TBC1D32: variants seen among roughly 807,000 people sequenced by gnomAD.
The protein encoded by TBC1D32 is protein broad-minded.
In TBC1D32, 151 loss-of-function variants were observed where a neutral mutation model predicts 170.3. The observed-to-expected ratio is 0.89, with a 90% CI of 0.78 to 1.01. The LOEUF (loss-of-function observed/expected upper bound fraction) is 1.01, where lower values mean the gene tolerates loss of function less well. TBC1D32 is among the 50% of genes least tolerant of loss of function. TBC1D32 has a pLI of 0.00. For missense variants in TBC1D32, 1,464 were observed against 1,457.1 expected (o/e 1.00, Z -0.08); for synonymous variants, 498 against 488.0 (o/e 1.02, Z -0.27).
At chr6:121,136,521 C>T (rs753447688) in intron 24 of TBC1D32, among the ~76,000 whole-genome samples, 11 of 151,946 alleles carry the variant, frequency 7.2e-5, no homozygotes, top group Non-Finnish European at 1.5e-4. Context: ...GCTAAAAATC[C>T]CACAATGCAC....
rs117811692 is a variant in TBC1D32 at position 121,219,116 on chromosome 6, T to C, written c.2481+4120A>G. ...TTTAAGTTAGGTAGTTGGGCAAAGATGCCAGATTATGGTGGCTTCCATGGT... is the reference window on the plus strand; with the variant it reads ...TTTAAGTTAGGTAGTTGGGCAAAGACGCCAGATTATGGTGGCTTCCATGGT... On this transcript the variant is annotated intron_variant, in intron 21 of 31. Coordinates refer to ENST00000398212, the MANE Select transcript of TBC1D32 (RefSeq NM_152730.6). 1.4e-4 allele frequency among the ~76,000 whole-genome samples: 21 copies of C among 152,304 alleles called. No homozygotes were observed. In the East Asian group the frequency reaches 3.1e-3, roughly 22 times the overall value.
intron 22 of TBC1D32, chr6:121,170,384 G>T: frequency 6.3e-7 from 1 of 1,587,584 alleles, no homozygotes; most frequent in South Asian, 1.2e-5. Flanking sequence ...CTGTTACTCT[G>T]TTTTAATCAC....
chr6:121,274,444 A>T (rs1481748557), intron 15 of TBC1D32, among the ~76,000 whole-genome samples: 1 of 152,034 alleles, frequency 6.6e-6, no homozygotes, highest in Non-Finnish European at 1.5e-5. Context: ...ATTCCCAGAA[A>T]AAAAGATTTT....
At chr6:121,189,858 C>G (rs1022522226) in intron 22 of TBC1D32, among the ~76,000 whole-genome samples, 1 of 151,990 alleles carries the variant, frequency 6.6e-6, no homozygotes, top group Non-Finnish European at 1.5e-5. Flanking sequence ...AACATATACC[C>G]TAAGTAAGAC....
chr6:121,281,673 A>C lies in TBC1D32; in HGVS notation c.1479T>G (p.Pro493=). 1.3e-6 allele frequency: 2 copies of C among 1,593,832 alleles called. No individual in the cohort carries two copies. Among genetic ancestry groups the C allele is most frequent in the South Asian group, 2.3e-5 (2 of 87,168 alleles). ...ACAGAACTTCAGTCACCATACTTGC[A>C]GGAGAGTAATTCTCTAATAAACAAT... ...TSAAHSENYS[P]ASMVTEVLWI... The change falls in exon 14 of 32, where the codon CCT becomes CCG. Residue 493 remains proline, a synonymous_variant. Transcript: ENST00000398212.
At chr6:121,274,890 T>C (rs931844524) in intron 15 of TBC1D32, among the ~76,000 whole-genome samples, 3 of 152,068 alleles carry the variant, frequency 2.0e-5, no homozygotes, top group Non-Finnish European at 4.4e-5. Flanking sequence ...TGAGAGAGGA[T>C]TTAGTCAATT....
chr6:121,321,706 G>T lies in TBC1D32; in HGVS notation c.244C>A (p.Arg82=), dbSNP rs777414033. 1 of 1,613,924 alleles carries T rather than the reference G, an allele frequency of 6.2e-7. No homozygotes were observed. The highest frequency in any genetic ancestry group is 8.5e-7 in the Non-Finnish European group (1 of 1,179,922). The change falls in exon 2 of 32, where the codon CGG becomes AGG. Residue 82 remains arginine, a synonymous_variant. Transcript: ENST00000398212. ...EEEMEKCTSD[R]NQGEECGYDT... is the part of the protein sequence containing the mutation. ...TAGCCGCATTCTTCACCCTGATTCCGATCAGATGTGCATTTTTCCATTTCT... is the reference window on the plus strand; with the variant it reads ...TAGCCGCATTCTTCACCCTGATTCCTATCAGATGTGCATTTTTCCATTTCT...
At chr6:121,240,613 G>A (rs1202284411) in intron 19 of TBC1D32, among the ~76,000 whole-genome samples, 1 of 151,528 alleles carries the variant, frequency 6.6e-6, no homozygotes, top group Non-Finnish European at 1.5e-5. Context: ...TATTGGCCGG[G>A]TGCGGTGGTT....
chr6:121,281,701 A>C lies in TBC1D32; in HGVS notation c.1466-15T>G, dbSNP rs1299447611. 1 of 1,548,450 alleles carries C rather than the reference A, an allele frequency of 6.5e-7. No individual in the cohort carries two copies. The highest frequency in any genetic ancestry group is 2.0e-5 in the Admixed American group (1 of 50,970). ...AGAGTAATTCTCTAATAAACAATAA[A>C]TATTTTTTAATACCAAAACATTAAA... On this transcript the variant is annotated splice_polypyrimidine_tract_variant and intron_variant, in intron 13 of 31. Transcript: ENST00000398212.
intron 29 of TBC1D32, among the ~76,000 whole-genome samples, chr6:121,109,510 T>A (rs570248059): frequency 1.3e-5 from 2 of 152,268 alleles, no homozygotes; most frequent in Non-Finnish European, 2.9e-5. Flanking sequence ...AAATTAGATA[T>A]TTCTACTATG....
chr6:121,272,639 G>A (rs912942148), intron 15 of TBC1D32, among the ~76,000 whole-genome samples: 2 of 152,102 alleles, frequency 1.3e-5, no homozygotes, highest in African/African-American at 4.8e-5. Flanking sequence ...GGAGAAATAG[G>A]AACACTTTTA....
At chr6:121,298,735 G>C (rs1268825602) in intron 10 of TBC1D32, among the ~76,000 whole-genome samples, 2 of 151,884 alleles carry the variant, frequency 1.3e-5, no homozygotes, top group African/African-American at 4.8e-5. Context: ...TTCATTTTAT[G>C]CTCTACTGCA....
intron 22 of TBC1D32, among the ~76,000 whole-genome samples, chr6:121,199,169 GT>G (rs1235771181): frequency 6.6e-6 from 1 of 151,374 alleles, no homozygotes; most frequent in Non-Finnish European, 1.5e-5. Flanking sequence ...CAGATTTGTT[GT>G]GGAGCAACAA....
At chr6:121,132,885 TATTC>T (rs1272523643) in intron 24 of TBC1D32, among the ~76,000 whole-genome samples, 1 of 151,976 alleles carries the variant, frequency 6.6e-6, no homozygotes, top group East Asian at 1.9e-4. Flanking sequence ...TATGCATATG[TATTC>T]ATATACACAT....
At chr6:121,287,680 C>A (rs1344482052) in intron 12 of TBC1D32, among the ~76,000 whole-genome samples, 2 of 152,142 alleles carry the variant, frequency 1.3e-5, no homozygotes, top group Admixed American at 6.5e-5. Context: ...AACTCTCCAC[C>A]CCAAATCAAC....
At chr6:121,177,521 C>A (rs1337011980) in intron 22 of TBC1D32, among the ~76,000 whole-genome samples, 1 of 152,058 alleles carries the variant, frequency 6.6e-6, no homozygotes, top group Non-Finnish European at 1.5e-5. Context: ...TCAGGTATTT[C>A]TTTATAGCAA....
intron 15 of TBC1D32, among the ~76,000 whole-genome samples, chr6:121,276,111 C>A (rs1181294330): frequency 7.3e-6 from 1 of 136,080 alleles, no homozygotes; most frequent in East Asian, 2.2e-4. Flanking sequence ...CAGAGTGAGA[C>A]CTTGTCTCAA....
At chr6:121,281,754 T>G in intron 13 of TBC1D32, 68 bp from the exon 14 acceptor site, 1 of 1,304,834 alleles carries the variant, frequency 7.7e-7, no homozygotes, top group Admixed American at 2.5e-5. Context: ...TGTTAGCTGT[T>G]GTTGTTCCAA....
At chr6:121,254,344 GCATC>G (rs1798690035) in intron 17 of TBC1D32, among the ~76,000 whole-genome samples, 1 of 151,934 alleles carries the variant, frequency 6.6e-6, no homozygotes, top group African/African-American at 2.4e-5. Context: ...ACTGAAGAAT[GCATC>G]CATGTAACCA....
Sources: gnomAD v4.1 joint callset for allele counts (sites outside exome capture counted in the v4.1 genomes callset) on GRCh38, gnomAD v4.1.1 for gene constraint, MANE v1.5 for transcripts, NCBI Gene and HGNC (gene_info 2026-07-23, HGNC 2026-07-21) for gene names.